Variants in KCNMA1 observed in about 807,000 individuals in gnomAD.
KCNMA1 encodes the protein potassium calcium-activated channel subfamily M alpha 1.
KCNMA1 carries 29 observed loss-of-function variants against 140.0 expected under a neutral mutation model. That is an observed-to-expected ratio of 0.21 (90% CI 0.15 to 0.28). KCNMA1 has a LOEUF of 0.28. Ranked by LOEUF, KCNMA1 falls within the 10% of genes least tolerant of loss-of-function variation. KCNMA1 has a pLI of 1.00. For missense variants in KCNMA1, 880 were observed against 1,602.2 expected (o/e 0.55, Z 7.70); for synonymous variants, 612 against 611.9 (o/e 1.00, Z 0.00).
chr10:77,332,334 C>A (rs12263654), intron 2 of KCNMA1, among the ~76,000 whole-genome samples: 6 of 152,202 alleles, frequency 3.9e-5, no homozygotes, highest in African/African-American at 1.2e-4. Context: ...AGTGCTGCCA[C>A]TGAGTGACAA....
chr10:76,891,954 T>A (rs2151885020), intron 25 of KCNMA1, among the ~76,000 whole-genome samples: 1 of 152,270 alleles, frequency 6.6e-6, no homozygotes, highest in African/African-American at 2.4e-5. Context: ...TTCAGGGGAT[T>A]TTTTAGTAAA....
At chr10:77,584,836 A>C (rs1833284752) in intron 1 of KCNMA1, among the ~76,000 whole-genome samples, 1 of 152,200 alleles carries the variant, frequency 6.6e-6, no homozygotes, top group Non-Finnish European at 1.5e-5. Context: ...AAGAAGTCTC[A>C]CAGAGAACCC....
chr10:77,046,396 A>G lies in KCNMA1; in HGVS notation c.1750-6759T>C, dbSNP rs11599757. ...TCATGACCCCACACCCCCCAAGAAAACCCCACAAAATGTGTCAAGTCCTTG... is the reference window on the plus strand; with the variant it reads ...TCATGACCCCACACCCCCCAAGAAAGCCCCACAAAATGTGTCAAGTCCTTG... On this transcript the variant is annotated intron_variant, in intron 14 of 27. Transcript: ENST00000286628. Among the ~76,000 whole-genome samples, 588 of 152,110 alleles carry G rather than the reference A, an allele frequency of 3.9e-3. 2 individuals are homozygous for G. The highest frequency in any genetic ancestry group is 6.5e-3 in the Non-Finnish European group (439 of 67,980).
intron 14 of KCNMA1, among the ~76,000 whole-genome samples, chr10:77,063,104 A>G (rs1322697132): frequency 6.6e-6 from 1 of 152,140 alleles, no homozygotes; most frequent in East Asian, 1.9e-4. Context: ...CTGGTCAAAT[A>G]AAGAATTTAA....
At chr10:77,545,764 C>A (rs1486704704) in intron 1 of KCNMA1, among the ~76,000 whole-genome samples, 1 of 152,230 alleles carries the variant, frequency 6.6e-6, no homozygotes, top group Non-Finnish European at 1.5e-5. Context: ...CCTGTGTTGG[C>A]AGCGAGGCTG....
chr10:77,504,704 C>T (rs2154546135), intron 1 of KCNMA1, among the ~76,000 whole-genome samples: 1 of 152,268 alleles, frequency 6.6e-6, no homozygotes, highest in Non-Finnish European at 1.5e-5. Flanking sequence ...TCAAGCAATT[C>T]TCCTGCCTCA....
chr10:77,208,818 A>C (rs1196709404), intron 3 of KCNMA1, among the ~76,000 whole-genome samples: 1 of 152,174 alleles, frequency 6.6e-6, no homozygotes, highest in Non-Finnish European at 1.5e-5. Flanking sequence ...CTATAGCATC[A>C]AGACCTATTT....
intron 20 of KCNMA1, among the ~76,000 whole-genome samples, chr10:76,959,125 T>C (rs2069770527): frequency 6.6e-6 from 1 of 152,188 alleles, no homozygotes. Flanking sequence ...CATACAGGCA[T>C]GTTAGATCTG....
intron 2 of KCNMA1, among the ~76,000 whole-genome samples, chr10:77,312,070 C>T (rs1216420366): frequency 2.6e-5 from 4 of 152,224 alleles, no homozygotes; most frequent in Admixed American, 6.5e-5. Flanking sequence ...GCTATGACTG[C>T]GCAAGCGAAG....
intron 2 of KCNMA1, chr10:77,372,710 T>C (rs1324988402): frequency 6.6e-6 from 1 of 152,168 alleles, no homozygotes; most frequent in Non-Finnish European, 1.5e-5. Flanking sequence ...ATTAGTCTGG[T>C]GGAGAAGGCA....
intron 18 of KCNMA1, chr10:77,008,201 T>A: frequency 6.5e-7 from 1 of 1,534,610 alleles, no homozygotes. Flanking sequence ...TCACTACCAG[T>A]GTGCAGTTAA....
intron 3 of KCNMA1, chr10:77,250,483 T>C (rs2059457491): frequency 1.9e-5 from 3 of 153,944 alleles, no homozygotes; most frequent in Admixed American, 1.9e-4. Flanking sequence ...ATTGCAGTTC[T>C]AGTCTGTGCC....
At chr10:77,204,505 T>C (rs576991195) in intron 3 of KCNMA1, among the ~76,000 whole-genome samples, 1 of 152,324 alleles carries the variant, frequency 6.6e-6, no homozygotes, top group East Asian at 1.9e-4. Context: ...TCTCCTTCTA[T>C]GAGGGTTATC....
intron 1 of KCNMA1, among the ~76,000 whole-genome samples, chr10:77,566,770 C>A (rs750310843): frequency 5.3e-5 from 8 of 152,138 alleles, no homozygotes; most frequent in Non-Finnish European, 1.0e-4. Context: ...ACCTACTTTC[C>A]AAATGTTCAT....
chr10:77,109,215 G>A (rs746706801), intron 8 of KCNMA1, among the ~76,000 whole-genome samples: 1 of 152,102 alleles, frequency 6.6e-6, no homozygotes, highest in Non-Finnish European at 1.5e-5. Context: ...GGCACCTCAC[G>A]GATGCTGTAG....
chr10:77,014,537 C>G (rs2091595007), intron 17 of KCNMA1, among the ~76,000 whole-genome samples: 1 of 151,942 alleles, frequency 6.6e-6, no homozygotes, highest in African/African-American at 2.4e-5. Flanking sequence ...CTTATTCCAC[C>G]TGTCTAACTG....
chr10:77,216,236 G>A (rs976688068), intron 3 of KCNMA1, among the ~76,000 whole-genome samples: 1 of 152,100 alleles, frequency 6.6e-6, no homozygotes, highest in Non-Finnish European at 1.5e-5. Flanking sequence ...GTTTCTTTCG[G>A]GGGTGTTGAA....
intron 1 of KCNMA1, among the ~76,000 whole-genome samples, chr10:77,502,778 C>T (rs534268363): frequency 6.6e-6 from 1 of 152,310 alleles, no homozygotes; most frequent in East Asian, 1.9e-4. Flanking sequence ...AATAATAATA[C>T]CTTCCTCCTA....
intron 19 of KCNMA1, chr10:76,973,338 G>A (rs564202900): frequency 6.6e-6 from 1 of 152,550 alleles, no homozygotes; most frequent in Non-Finnish European, 1.5e-5. Context: ...ACATCCCTAA[G>A]TATAACACTT....
Sources: gnomAD v4.1 joint callset for allele counts (sites outside exome capture counted in the v4.1 genomes callset) on GRCh38, gnomAD v4.1.1 for gene constraint, MANE v1.5 for transcripts, NCBI Gene and HGNC (gene_info 2026-07-23, HGNC 2026-07-21) for gene names.